IFFO2: variants seen among roughly 807,000 people sequenced by gnomAD.
The protein encoded by IFFO2 is intermediate filament family orphan 2.
A neutral mutation model predicts 53.5 loss-of-function variants in IFFO2; 19 were observed. That is an observed-to-expected ratio of 0.36 (90% CI 0.25 to 0.52). The LOEUF is 0.52. Among genes scored for constraint, IFFO2 ranks in the 20% least tolerant of loss-of-function variants. The pLI is 0.94. For missense variants in IFFO2, 570 were observed against 727.4 expected, an observed-to-expected ratio of 0.78 and a Z score of 2.49; for synonymous variants, 303 against 313.6, an observed-to-expected ratio of 0.97 and a Z score of 0.36.
At chr1:18,910,558 G>C (rs1177352270) in intron 7 of IFFO2, 86 bp from the exon 8 acceptor site, 4 of 1,493,194 alleles carry the variant, frequency 2.7e-6, no homozygotes, top group Non-Finnish European at 3.6e-6. Flanking sequence ...GGATTCCTCA[G>C]GGATGGTGCC....
intron 5 of IFFO2, among the ~76,000 whole-genome samples, chr1:18,913,299 G>T (rs920998530): frequency 1.3e-4 from 20 of 152,270 alleles, no homozygotes; most frequent in African/African-American, 4.8e-4. Context: ...GTCCTGAGCT[G>T]GTAGGGGGTG....
chr1:18,913,968 A>T lies in IFFO2; in HGVS notation c.1104-1885T>A, dbSNP rs545261010. ...TGCCTCAGCCTCCTGCGTAGCTGGG[A>T]CTACAGGCGCCCGCCACCACGCCCG... On this transcript the variant is annotated intron_variant, in intron 5 of 8. Coordinates refer to ENST00000455833, the MANE Select transcript of IFFO2 (RefSeq NM_001136265.2). Among the ~76,000 whole-genome samples, 500 of 148,566 alleles carry T rather than the reference A, an allele frequency of 3.4e-3. 1 individual carries two copies. Among genetic ancestry groups the T allele is most frequent in the South Asian group, 0.024 (116 of 4,798 alleles).
intron 7 of IFFO2, 88 bp downstream of exon 7, chr1:18,911,296 A>G (rs892374091): frequency 6.3e-6 from 4 of 632,752 alleles, no homozygotes; most frequent in Non-Finnish European, 9.8e-6. Flanking sequence ...GCCCCTGCCC[A>G]TGACACATGG....
intron 1 of IFFO2, among the ~76,000 whole-genome samples, chr1:18,927,562 C>T (rs1482344820): frequency 6.6e-6 from 1 of 152,094 alleles, no homozygotes; most frequent in Admixed American, 6.5e-5. Flanking sequence ...CAGATTTGGC[C>T]CAGCCAATGC....
At chr1:18,931,748 G>C (rs1936378079) in intron 1 of IFFO2, among the ~76,000 whole-genome samples, 2 of 152,176 alleles carry the variant, frequency 1.3e-5, no homozygotes, top group African/African-American at 4.8e-5. Flanking sequence ...CCTGTTCAAG[G>C]TCAAATCCAG....
At chr1:18,913,958 C>A (rs374341257) in intron 5 of IFFO2, among the ~76,000 whole-genome samples, 53 of 152,134 alleles carry the variant, frequency 3.5e-4, no homozygotes, top group East Asian at 5.8e-4. Context: ...CAGCCTCCTG[C>A]GTAGCTGGGA....
chr1:18,937,787 G>A (rs1936468741), intron 1 of IFFO2, among the ~76,000 whole-genome samples: 1 of 152,210 alleles, frequency 6.6e-6, no homozygotes, highest in Non-Finnish European at 1.5e-5. Flanking sequence ...GCAGAGCCTT[G>A]GGGCTCTCAG....
At chr1:18,910,890 A>T (rs1044702274) in intron 7 of IFFO2, among the ~76,000 whole-genome samples, 4 of 152,228 alleles carry the variant, frequency 2.6e-5, no homozygotes, top group African/African-American at 9.6e-5. Context: ...CATAATAGCA[A>T]TGACTATCGT....
At chr1:18,939,650 TC>T (rs1354074141) in intron 1 of IFFO2, among the ~76,000 whole-genome samples, 1 of 152,134 alleles carries the variant, frequency 6.6e-6, no homozygotes, top group Admixed American at 6.5e-5. Context: ...GCACAGTCTC[TC>T]AGGAAGTGGA....
intron 1 of IFFO2, among the ~76,000 whole-genome samples, chr1:18,943,114 C>A (rs1206887827): frequency 6.6e-6 from 1 of 152,120 alleles, no homozygotes; most frequent in African/African-American, 2.4e-5. Flanking sequence ...CATCTGTAAG[C>A]CCAGTACTTT....
intron 1 of IFFO2, among the ~76,000 whole-genome samples, chr1:18,923,786 G>A (rs765468031): frequency 8.5e-5 from 13 of 152,152 alleles, no homozygotes; most frequent in Admixed American, 3.3e-4. Context: ...TTCCGCAGGC[G>A]AGGGCTGGGG....
chr1:18,918,497 C>T lies in IFFO2; in HGVS notation c.828G>A (p.Met276Ile), dbSNP rs1326304717. 21 of 1,552,948 alleles carry T rather than the reference C, an allele frequency of 1.4e-5. No individual in the cohort carries two copies. Among genetic ancestry groups the T allele is most frequent in the Admixed American group, 5.9e-5 (3 of 51,132 alleles). ...CTTGGATCTTTGTGTCCAGGTCTGT[C>T]ATGGGCTGCAGGGAGGACAGCAGGG... ...VVFKGLMSDP[M>I]TDLDTKIQEK... is the part of the protein sequence containing the mutation. Residue 276 changes from methionine (M) to isoleucine (I), a missense_variant, in exon 4 of 9, where the codon ATG (methionine) becomes ATA (isoleucine). Transcript: ENST00000455833. The surrounding 1 kb of genome is among the most constrained non-coding windows in gnomAD (Gnocchi z 5.2).
At chr1:18,952,957 G>A (rs909418975) in intron 1 of IFFO2, among the ~76,000 whole-genome samples, 4 of 152,228 alleles carry the variant, frequency 2.6e-5, no homozygotes, top group African/African-American at 7.2e-5. Flanking sequence ...ACAAGCGTCC[G>A]GCTTGAAGAT....
intron 5 of IFFO2, among the ~76,000 whole-genome samples, chr1:18,915,702 T>G (rs975259614): frequency 6.6e-6 from 1 of 151,766 alleles, no homozygotes; most frequent in African/African-American, 2.4e-5. Flanking sequence ...GCGTCTGGAG[T>G]GAGCAAAGTG....
chr1:18,955,485 C>T (rs1936711736), intron 1 of IFFO2, among the ~76,000 whole-genome samples, 183 bp downstream of exon 1: 1 of 152,224 alleles, frequency 6.6e-6, no homozygotes, highest in African/African-American at 2.4e-5. Context: ...CCAGCGCCCG[C>T]CCCCATCCTG....
intron 1 of IFFO2, among the ~76,000 whole-genome samples, chr1:18,923,791 CT>C (rs1371645502): frequency 2.0e-5 from 3 of 152,126 alleles, no homozygotes; most frequent in Admixed American, 6.5e-5. Context: ...CAGGCGAGGG[CT>C]GGGGCAGACA....
In IFFO2 at chr1:18,918,529, T is replaced by G. The variant is rs1279088426; in HGVS notation, c.823-27A>C. ...TGCAGGGAGGACAGCAGGGTTTACA[T>G]GAGCGAGGGATGGAGCAAGCCTGGG... is the stretch of plus-strand genomic sequence containing the variant. On this transcript the variant is annotated intron_variant, in intron 3 of 8. Coordinates refer to ENST00000455833, the MANE Select transcript of IFFO2 (RefSeq NM_001136265.2). This position sits in a 1 kb window ranked among gnomAD's most constrained non-coding sequence, Gnocchi z 5.2. The G allele has an allele frequency of 6.4e-7, 1 of 1,550,698 alleles. No individual in the cohort carries two copies. Among genetic ancestry groups the G allele is most frequent in the East Asian group, 2.4e-5 (1 of 40,884 alleles).
rs543662934 is a variant in IFFO2, at chr1:18,919,542, G to A, written c.822+136C>T. The A allele has an allele frequency of 1.2e-5, 8 of 667,754 alleles. No homozygotes were observed. Among genetic ancestry groups the A allele is most frequent in the East Asian group, 2.7e-5 (1 of 36,728 alleles). 41.4% of individuals were successfully genotyped at this position (667,754 alleles called of 1,614,324 possible). On this transcript the variant is annotated intron_variant, in intron 3 of 8. Coordinates refer to ENST00000455833, the MANE Select transcript of IFFO2 (RefSeq NM_001136265.2). This position sits in a 1 kb window ranked among gnomAD's most constrained non-coding sequence, Gnocchi z 4.9. Reference sequence around the variant, plus strand: ...GGTCTCCGATGCATCCAATGCATCCGTCATCCTCATGGTCAAACACAGCCA... The same window carrying A: ...GGTCTCCGATGCATCCAATGCATCCATCATCCTCATGGTCAAACACAGCCA...
At chr1:18,946,915 TTAAC>T (rs745639371) in intron 1 of IFFO2, among the ~76,000 whole-genome samples, 1 of 152,258 alleles carries the variant, frequency 6.6e-6, no homozygotes, top group Non-Finnish European at 1.5e-5. Flanking sequence ...ATGAAATTCA[TTAAC>T]TAACACATGT....
Sources: gnomAD v4.1 joint callset for allele counts (sites outside exome capture counted in the v4.1 genomes callset) on GRCh38, gnomAD v4.1.1 for gene constraint, Gnocchi (gnomAD v3.1) non-coding constraint, MANE v1.5 for transcripts, NCBI Gene and HGNC (gene_info 2026-07-23, HGNC 2026-07-21) for gene names.